The following WDR59 variants were observed in gnomAD, a reference collection of about 807,000 sequenced individuals.
WDR59 encodes GATOR2 complex protein WDR59.
In WDR59, 100 loss-of-function variants were observed where a neutral mutation model predicts 131.2. The ratio of observed to expected loss-of-function variants is 0.76; its 90% CI spans 0.65 to 0.90. The LOEUF (loss-of-function observed/expected upper bound fraction) is 0.90, where lower values mean the gene tolerates loss of function less well. WDR59 is among the 40% of genes least tolerant of loss of function. The pLI is 0.00. For missense variants in WDR59, 1,203 were observed against 1,262.2 expected (o/e 0.95, Z 0.71); for synonymous variants, 601 against 466.2 (o/e 1.29, Z -3.72).
chr16:74,966,124 G>C (rs1452503875), intron 1 of WDR59, among the ~76,000 whole-genome samples: 1 of 152,036 alleles, frequency 6.6e-6, no homozygotes, highest in Non-Finnish European at 1.5e-5. Flanking sequence ...TTTGACAATA[G>C]GGCAGTTGCT....
intron 18 of WDR59, among the ~76,000 whole-genome samples, chr16:74,896,431 C>T (rs377753314): frequency 6.6e-6 from 1 of 152,268 alleles, no homozygotes; most frequent in East Asian, 1.9e-4. Context: ...GAGTTCGAGA[C>T]CAGCCCGGCC....
Position 74,872,645 on chromosome 16 carries a change from CAG to C in WDR59, c.*1562_*1563del, listed in dbSNP as rs1311613156. 4.6e-5 allele frequency: 7 copies of C among 151,876 alleles called. No homozygotes were observed. Among genetic ancestry groups the C allele is most frequent in the African/African-American group, 1.7e-4 (7 of 41,334 alleles). 9.4% of individuals were successfully genotyped at this position (151,876 alleles called of 1,614,324 possible). On this transcript the variant is annotated 3_prime_UTR_variant, in exon 26 of 26. Transcript: ENST00000262144. ...GGTGGACACAGATGTTATAACTACT[CAG>C]AACACAGGCAAACACAGGCAGTTTG...
At chr16:74,925,625 T>C (rs1376057424) in intron 8 of WDR59, among the ~76,000 whole-genome samples, 2 of 146,706 alleles carry the variant, frequency 1.4e-5, no homozygotes, top group Non-Finnish European at 1.5e-5. Flanking sequence ...AGGTTAGGGG[T>C]AGGAAAGGGT....
chr16:74,887,225 T>A (rs72798613), intron 23 of WDR59, among the ~76,000 whole-genome samples: 2 of 152,034 alleles, frequency 1.3e-5, no homozygotes, highest in Non-Finnish European at 2.9e-5. Flanking sequence ...TCAGGAAAAT[T>A]AAGATCATTT....
At chr16:74,957,920 A>C (rs904792341) in intron 2 of WDR59, among the ~76,000 whole-genome samples, 3 of 152,204 alleles carry the variant, frequency 2.0e-5, no homozygotes, top group Admixed American at 2.0e-4. Context: ...GGGAATACAC[A>C]ATTTCACAGA....
chr16:74,957,314 C>T (rs1191861779), intron 2 of WDR59, among the ~76,000 whole-genome samples: 1 of 152,030 alleles, frequency 6.6e-6, no homozygotes, highest in Non-Finnish European at 1.5e-5. Flanking sequence ...CTGCTGACCT[C>T]GGGTGATCCA....
At chr16:74,984,719 C>T (rs1196403546) in intron 1 of WDR59, 2 of 563,644 alleles carry the variant, frequency 3.5e-6, no homozygotes, top group Non-Finnish European at 6.4e-6. Flanking sequence ...CTCAGTGTCA[C>T]AAGGCGGACC....
In WDR59 at chr16:74,874,831, T is replaced by C. The variant is rs191402277; in HGVS notation, c.2690-387A>G. ...GTCTCGAACTCCTGACCTCAGGTGATCCACCTGCCTTGGCCTCCCAAAGTG... is the reference window on the plus strand; with the variant it reads ...GTCTCGAACTCCTGACCTCAGGTGACCCACCTGCCTTGGCCTCCCAAAGTG... On this transcript the variant is annotated intron_variant, in intron 25 of 25. Transcript: ENST00000262144. Among the ~76,000 whole-genome samples the C allele has an allele frequency of 1.2e-3, 184 of 152,310 alleles. 3 individuals are homozygous for C. The East Asian group carries it at 0.033, about 27-fold the overall frequency.
At chr16:74,914,757 C>A (rs1966280235) in intron 13 of WDR59, among the ~76,000 whole-genome samples, 1 of 152,048 alleles carries the variant, frequency 6.6e-6, no homozygotes, top group Non-Finnish European at 1.5e-5. Flanking sequence ...CCATGACCAG[C>A]TAATTTTTGT....
chr16:74,941,274 G>C (rs1179987664), intron 7 of WDR59, among the ~76,000 whole-genome samples: 1 of 150,230 alleles, frequency 6.7e-6, no homozygotes, highest in Non-Finnish European at 1.5e-5. Flanking sequence ...CCAAGAGGTC[G>C]AGGCTGCAGT....
intron 8 of WDR59, among the ~76,000 whole-genome samples, chr16:74,924,204 G>C (rs2030549214): frequency 1.3e-5 from 2 of 152,166 alleles, no homozygotes; most frequent in Admixed American, 1.3e-4. Context: ...CATTACAGGA[G>C]AATTTCTGGA....
At chr16:74,951,993 T>G (rs1468538173) in intron 3 of WDR59, among the ~76,000 whole-genome samples, 2 of 151,880 alleles carry the variant, frequency 1.3e-5, no homozygotes, top group African/African-American at 2.4e-5. Flanking sequence ...TTTTTGTTTT[T>G]TTTTTTTTCT....
chr16:74,925,123 G>T (rs2030647697), intron 8 of WDR59, among the ~76,000 whole-genome samples: 1 of 151,980 alleles, frequency 6.6e-6, no homozygotes, highest in South Asian at 2.1e-4. Context: ...AATTAATGGT[G>T]GCATATACAT....
At chr16:74,913,998 G>T (rs1359516474) in intron 13 of WDR59, among the ~76,000 whole-genome samples, 1 of 152,180 alleles carries the variant, frequency 6.6e-6, no homozygotes, top group Non-Finnish European at 1.5e-5. Flanking sequence ...ACTGACATCA[G>T]GAGTTCGAGG....
intron 18 of WDR59, among the ~76,000 whole-genome samples, chr16:74,899,945 A>G (rs139487672): frequency 2.1e-3 from 323 of 152,022 alleles, no homozygotes; most frequent in African/African-American, 7.4e-3. Context: ...GGCTTCCCTC[A>G]CCTCCCTCCC....
rs770095923 is a variant in WDR59 at position 74,874,229 on chromosome 16, G to A, written c.2905C>T (p.Leu969=). 2 of 1,614,026 alleles carry A rather than the reference G, an allele frequency of 1.2e-6. No individual in the cohort carries two copies. The highest frequency in any genetic ancestry group is 1.7e-6 in the Non-Finnish European group (2 of 1,179,964). Reference sequence around the variant, plus strand: ...TAGGTTCAGAAAGTGCTTTCAAGCAGGCAGTGGCACCCACACCCGGTGGGA... The same window carrying A: ...TAGGTTCAGAAAGTGCTTTCAAGCAAGCAGTGGCACCCACACCCGGTGGGA... ...VCPTGCGCHC[L]LESTF The change falls in exon 26 of 26, where the codon CTG becomes TTG. Residue 969 remains leucine (L), a synonymous_variant. Coordinates refer to ENST00000262144, the MANE Select transcript of WDR59 (RefSeq NM_030581.4).
At chr16:74,953,502 C>T (rs1438727127) in intron 3 of WDR59, among the ~76,000 whole-genome samples, 1 of 149,812 alleles carries the variant, frequency 6.7e-6, no homozygotes, top group African/African-American at 2.4e-5. Context: ...TGCCTTCCAA[C>T]CAAGAACAAA....
intron 21 of WDR59, among the ~76,000 whole-genome samples, chr16:74,888,888 G>C (rs1964904256): frequency 6.6e-6 from 1 of 152,186 alleles, no homozygotes; most frequent in African/African-American, 2.4e-5. Flanking sequence ...TGTCCTTTCA[G>C]GAAGATTATG....
chr16:74,927,235 T>C (rs1350950319), intron 8 of WDR59, among the ~76,000 whole-genome samples: 1 of 152,206 alleles, frequency 6.6e-6, no homozygotes, highest in African/African-American at 2.4e-5. Flanking sequence ...CATCTCTGTT[T>C]TGATTCACTA....
Sources: gnomAD v4.1 joint callset for allele counts (sites outside exome capture counted in the v4.1 genomes callset) on GRCh38, gnomAD v4.1.1 for gene constraint, MANE v1.5 for transcripts, NCBI Gene and HGNC (gene_info 2026-07-23, HGNC 2026-07-21) for gene names.